INVS: variants seen among roughly 807,000 people sequenced by gnomAD.
INVS encodes inversion of embryo turning homolog.
A neutral mutation model predicts 108.8 loss-of-function variants in INVS; 86 were observed. The ratio of observed to expected loss-of-function variants is 0.79; its 90% CI spans 0.66 to 0.95. The LOEUF is 0.95. Among genes scored for constraint, INVS ranks in the 40% least tolerant of loss-of-function variants. The pLI is 0.00. For missense variants in INVS, 1,169 were observed against 1,297.4 expected (o/e 0.90, Z 1.52); for synonymous variants, 455 against 473.5 (o/e 0.96, Z 0.51).
intron 2 of INVS, among the ~76,000 whole-genome samples, chr9:100,122,746 G>A (rs1827766799): frequency 6.6e-6 from 1 of 151,494 alleles, no homozygotes; most frequent in Non-Finnish European, 1.5e-5. Flanking sequence ...ACCACACCCA[G>A]CTAATTTTTT....
At chr9:100,157,103 A>T (rs1323805108) in intron 3 of INVS, among the ~76,000 whole-genome samples, 1 of 151,730 alleles carries the variant, frequency 6.6e-6, no homozygotes, top group Admixed American at 6.6e-5. Flanking sequence ...TCATGGAAAG[A>T]TCTCCAGGGT....
chr9:100,276,787 G>A (rs1232074516), intron 12 of INVS, among the ~76,000 whole-genome samples: 3 of 152,168 alleles, frequency 2.0e-5, no homozygotes, highest in African/African-American at 4.8e-5. Flanking sequence ...TTACAAGCAT[G>A]AGCCACCACG....
chr9:100,117,771 CAT>C, intron 2 of INVS: 2 of 500,544 alleles, frequency 4.0e-6, no homozygotes, highest in Non-Finnish European at 7.0e-6. Flanking sequence ...CTCCAAAATT[CAT>C]ATGTTTGAAA....
At chr9:100,109,505 G>A (rs552202671) in intron 2 of INVS, among the ~76,000 whole-genome samples, 30 of 152,278 alleles carry the variant, frequency 2.0e-4, no homozygotes, top group Non-Finnish European at 3.4e-4. Context: ...AATATGCATG[G>A]TGTGTAATGA....
chr9:100,230,130 T>C (rs1831461556), intron 5 of INVS, among the ~76,000 whole-genome samples: 1 of 152,238 alleles, frequency 6.6e-6, no homozygotes, highest in South Asian at 2.1e-4. Flanking sequence ...CTTTGTTTCA[T>C]ACTTGTTTTT....
intron 10 of INVS, among the ~76,000 whole-genome samples, chr9:100,255,731 T>C (rs1194212936): frequency 6.6e-6 from 1 of 152,242 alleles, no homozygotes; most frequent in Non-Finnish European, 1.5e-5. Context: ...GATTTGTGTA[T>C]GTTGAACCAG....
intron 15 of INVS, 137 bp from the exon 16 acceptor site, chr9:100,297,799 A>G (rs2118785536): frequency 6.0e-6 from 5 of 837,624 alleles, no homozygotes; most frequent in South Asian, 5.6e-5. Flanking sequence ...CTGGGCCTAC[A>G]TGTTTCCACA....
chr9:100,199,300 C>T (rs1830471048), intron 3 of INVS, among the ~76,000 whole-genome samples: 1 of 152,082 alleles, frequency 6.6e-6, no homozygotes, highest in African/African-American at 2.4e-5. Context: ...ATAAGCATCT[C>T]TTATAGACTT....
chr9:100,125,349 C>A lies in INVS; in HGVS notation c.107-1034C>A, dbSNP rs1827849525. 1.3e-5 allele frequency among the ~76,000 whole-genome samples: 2 copies of A among 152,192 alleles called. 1 individual carries two copies. The highest frequency in any genetic ancestry group is 4.1e-4 in the South Asian group (2 of 4,828). ...GAGCATAGTCAAATGGTTCACTCAG[C>A]AGAGTTACCTGCCTCCCAGTCTTTT... On this transcript the variant is annotated intron_variant, in intron 2 of 16. Coordinates refer to ENST00000262457, the MANE Select transcript of INVS (RefSeq NM_014425.5).
Position 100,292,450 on chromosome 9 carries a change from C to T in INVS, c.2193C>T (p.Gly731=), listed in dbSNP as rs148758887. Residue 731 remains glycine (G), a synonymous_variant, in exon 14 of 17, where the codon GGC becomes GGT. Transcript: ENST00000262457. Reference sequence around the variant, plus strand: ...AGAAGTCCAGAGGTGAGACAGCTGGCGATGAGCGGTGTGCAAAGGGGAAAG... The same window carrying T: ...AGAAGTCCAGAGGTGAGACAGCTGGTGATGAGCGGTGTGCAAAGGGGAAAG... The part of the protein sequence containing the change: ...SVEKSRGETA[G]DERCAKGKGF... 456 of 1,614,104 alleles carry T rather than the reference C, an allele frequency of 2.8e-4. 1 individual carries two copies. In the African/African-American group the frequency reaches 5.0e-3, roughly 18 times the overall value.
intron 2 of INVS, chr9:100,117,746 T>G (rs1472578460): frequency 1.1e-5 from 6 of 524,474 alleles, no homozygotes; most frequent in African/African-American, 4.0e-5. Context: ...TATTATGGAC[T>G]GAATATTTGT....
At chr9:100,246,589 C>T in intron 7 of INVS, 27 bp from the exon 8 acceptor site, 1 of 1,573,726 alleles carries the variant, frequency 6.4e-7, no homozygotes, top group Non-Finnish European at 8.7e-7. Context: ...GTTTTGTCTC[C>T]ATTTTTTAAA....
At position 100,301,139 on chromosome 9, in the gene INVS, T is replaced by TCTCACACACACACA. The variant is rs200314659; in HGVS notation, c.*466_*467insTCACACACACACAC. The TCTCACACACACACA allele has an allele frequency of 1.1e-3, 188 of 167,892 alleles. 3 individuals carry two copies. Among genetic ancestry groups the TCTCACACACACACA allele is most frequent in the African/African-American group, 3.0e-3 (83 of 27,730 alleles). 10.4% of individuals were successfully genotyped at this position (167,892 alleles called of 1,614,324 possible). A position where few individuals can be genotyped will look rare whatever the true frequency, so the allele number is the denominator to read the frequency against. On this transcript the variant is annotated 3_prime_UTR_variant, in exon 17 of 17. Transcript: ENST00000262457. ...CCTGGCATCTAATGCAACAAACTTATCACACACACACACACACACACACAC... is the reference window on the plus strand; with the variant it reads ...CCTGGCATCTAATGCAACAAACTTATCTCACACACACACACACACACACACACACACACACACAC...
At chr9:100,280,733 AAAAC>A (rs1351207175) in intron 12 of INVS, among the ~76,000 whole-genome samples, 1 of 152,202 alleles carries the variant, frequency 6.6e-6, no homozygotes, top group Admixed American at 6.5e-5. Context: ...ACTTAAGAAA[AAAAC>A]ATTTAAATTT....
chr9:100,147,120 ATTATAGAC>A (rs1828643527), intron 3 of INVS, among the ~76,000 whole-genome samples: 1 of 152,204 alleles, frequency 6.6e-6, no homozygotes, highest in African/African-American at 2.4e-5. Flanking sequence ...TGTTAATTCA[ATTATAGAC>A]TTAACTCTGC....
At chr9:100,260,352 G>A (rs1832581839) in intron 10 of INVS, among the ~76,000 whole-genome samples, 1 of 150,090 alleles carries the variant, frequency 6.7e-6, no homozygotes, top group Non-Finnish European at 1.5e-5. Context: ...ACCACATCTG[G>A]CTAATTTTTA....
At chr9:100,178,544 C>T (rs571091204) in intron 3 of INVS, among the ~76,000 whole-genome samples, 11 of 151,964 alleles carry the variant, frequency 7.2e-5, no homozygotes, top group Non-Finnish European at 1.2e-4. Context: ...ATATCAGAGA[C>T]TGAAGATCAA....
At position 100,284,452 on chromosome 9, in the gene INVS, C is replaced by A; in HGVS notation, c.1917C>A (p.Ala639=). ...ATGTGCCCAGCAGGCAGAGCCGGGC[C>A]CCCAGCAAGCAGCCTCCTGCTGGCA... ...TQDVPSRQSR[A]PSKQPPAGNV... The change falls in exon 13 of 17, where the codon GCC becomes GCA. Residue 639 remains alanine (A), a synonymous_variant. Coordinates refer to ENST00000262457, the MANE Select transcript of INVS (RefSeq NM_014425.5). 6.2e-7 allele frequency: 1 copy of A among 1,614,178 alleles called. No individual in the cohort carries two copies. Among genetic ancestry groups the A allele is most frequent in the Non-Finnish European group, 8.5e-7 (1 of 1,180,020 alleles).
intron 2 of INVS, among the ~76,000 whole-genome samples, chr9:100,125,352 A>G (rs913460041): frequency 1.3e-5 from 2 of 152,174 alleles, no homozygotes; most frequent in Non-Finnish European, 2.9e-5. Context: ...CACTCAGCAG[A>G]GTTACCTGCC....
Sources: allele counts gnomAD v4.1 joint callset (sites outside exome capture counted in the v4.1 genomes callset), GRCh38; gene constraint gnomAD v4.1.1; transcripts MANE v1.5; gene names NCBI Gene and HGNC (gene_info 2026-07-23, HGNC 2026-07-21).